The following DCC variants were observed in gnomAD, a reference collection of about 807,000 sequenced individuals.
The protein encoded by DCC is DCC netrin 1 receptor.
A neutral mutation model predicts 172.5 loss-of-function variants in DCC; 58 were observed. The ratio of observed to expected loss-of-function variants is 0.34; its 90% CI spans 0.27 to 0.42. DCC has a LOEUF of 0.42. Among genes scored for constraint, DCC ranks in the 10% least tolerant of loss-of-function variants. The probability of loss-of-function intolerance (pLI) is 1.00; values close to 1 mark genes in which losing one functional copy is unlikely to be tolerated. For synonymous variants in DCC, 709 were observed against 644.5 expected, an observed-to-expected ratio of 1.10 and a Z score of -1.52; for missense variants, 1,740 against 1,791.0, an observed-to-expected ratio of 0.97 and a Z score of 0.51.
chr18:53,331,164 C>A (rs1264985464), intron 14 of DCC, among the ~76,000 whole-genome samples: 1 of 152,146 alleles, frequency 6.6e-6, no homozygotes, highest in East Asian at 1.9e-4. Flanking sequence ...AATGAAAACC[C>A]TAGCTTTCTA....
intron 1 of DCC, among the ~76,000 whole-genome samples, chr18:52,703,740 T>TG (rs199621599): frequency 6.6e-6 from 1 of 151,100 alleles, no homozygotes; most frequent in African/African-American, 2.4e-5. Flanking sequence ...TTTTTTTTTT[T>TG]GAAAATGTGC....
intron 12 of DCC, among the ~76,000 whole-genome samples, chr18:53,273,472 A>G (rs144275351): frequency 8.4e-4 from 128 of 152,314 alleles, no homozygotes; most frequent in African/African-American, 3.0e-3. Context: ...TAGGATTTAA[A>G]GAACATATAT....
At chr18:52,561,937 A>T (rs2033048912) in intron 1 of DCC, among the ~76,000 whole-genome samples, 2 of 152,156 alleles carry the variant, frequency 1.3e-5, no homozygotes, top group African/African-American at 2.4e-5. Flanking sequence ...TAGCCCATGG[A>T]TGCATTCCAA....
intron 1 of DCC, among the ~76,000 whole-genome samples, chr18:52,694,242 TG>T (rs2035975856): frequency 6.6e-6 from 1 of 151,888 alleles, no homozygotes; most frequent in Non-Finnish European, 1.5e-5. Context: ...ACTGTCAAGG[TG>T]GTGAAAAAGC....
At chr18:53,471,380 A>G (rs2045694898) in intron 25 of DCC, among the ~76,000 whole-genome samples, 1 of 152,230 alleles carries the variant, frequency 6.6e-6, no homozygotes, top group Admixed American at 6.5e-5. Context: ...CTGTTGTGCT[A>G]TCAAATAGTA....
At chr18:53,447,595 GA>G (rs1228046943) in intron 22 of DCC, among the ~76,000 whole-genome samples, 6 of 152,242 alleles carry the variant, frequency 3.9e-5, no homozygotes, top group African/African-American at 1.4e-4. Context: ...TAAAAATGTT[GA>G]CAAGGTGTAC....
At chr18:53,401,503 A>G (rs1909291122) in intron 18 of DCC, among the ~76,000 whole-genome samples, 1 of 152,204 alleles carries the variant, frequency 6.6e-6, no homozygotes, top group Non-Finnish European at 1.5e-5. Context: ...TATTTGGAAC[A>G]CTATTCAGGA....
chr18:52,809,687 A>G (rs1454026867), intron 2 of DCC, among the ~76,000 whole-genome samples: 1 of 152,180 alleles, frequency 6.6e-6, no homozygotes, highest in Non-Finnish European at 1.5e-5. Flanking sequence ...TAGAAGCTCA[A>G]CTTGTGCCCT....
intron 2 of DCC, among the ~76,000 whole-genome samples, chr18:52,826,491 T>A (rs1353105102): frequency 6.6e-6 from 1 of 152,114 alleles, no homozygotes; most frequent in Admixed American, 6.6e-5. Context: ...TCTTTTTTTT[T>A]AATGGGAATG....
intron 1 of DCC, among the ~76,000 whole-genome samples, chr18:52,457,649 A>C (rs780452276): frequency 6.6e-6 from 1 of 152,312 alleles, no homozygotes; most frequent in East Asian, 1.9e-4. Flanking sequence ...AATTAAGTAT[A>C]TGCTTAAGAT....
intron 14 of DCC, among the ~76,000 whole-genome samples, chr18:53,324,583 C>T (rs904462694): frequency 2.6e-5 from 4 of 151,798 alleles, no homozygotes; most frequent in African/African-American, 7.3e-5. Context: ...GGAAGCCATG[C>T]GAATAGGTCA....
At chr18:53,336,718 AT>A (rs1303395980) in intron 14 of DCC, among the ~76,000 whole-genome samples, 1 of 152,208 alleles carries the variant, frequency 6.6e-6, no homozygotes, top group East Asian at 1.9e-4. Flanking sequence ...AAGTAGATAG[AT>A]AAATACATTA....
chr18:53,246,981 G>C (rs983849168), intron 12 of DCC, among the ~76,000 whole-genome samples: 13 of 152,104 alleles, frequency 8.5e-5, no homozygotes, highest in African/African-American at 3.1e-4. Context: ...TGGGAACCAA[G>C]GAACTTGAGT....
At chr18:53,387,338 T>G (rs140751010) in intron 16 of DCC, among the ~76,000 whole-genome samples, 59 of 152,316 alleles carry the variant, frequency 3.9e-4, no homozygotes, top group African/African-American at 1.4e-3. Context: ...GTAGTATTAT[T>G]TAAGGCAAAG....
intron 25 of DCC, among the ~76,000 whole-genome samples, chr18:53,484,291 G>A (rs547313778): frequency 1.3e-5 from 2 of 151,768 alleles, no homozygotes; most frequent in South Asian, 4.2e-4. Flanking sequence ...ATAAAAAGCT[G>A]TACCAAAATT....
chr18:52,690,868 G>T (rs2035920285), intron 1 of DCC, among the ~76,000 whole-genome samples: 1 of 152,066 alleles, frequency 6.6e-6, no homozygotes, highest in African/African-American at 2.4e-5. Context: ...CAAAGGCTGG[G>T]TGTTTTGTCT....
Position 52,923,638 on chromosome 18 carries a change from A to T in DCC, c.698-69A>T, listed in dbSNP as rs181518812. The T allele has an allele frequency of 2.9e-4, 374 of 1,277,894 alleles. 2 individuals are homozygous for T. In the East Asian group the frequency reaches 8.5e-3, roughly 29 times the overall value. 79.2% of individuals were successfully genotyped at this position (1,277,894 alleles called of 1,614,324 possible). A position where few individuals can be genotyped will look rare whatever the true frequency, so the allele number is the denominator to read the frequency against. On this transcript the variant is annotated intron_variant, in intron 3 of 28. Transcript: ENST00000442544. The stretch of plus-strand genomic sequence containing the variant: ...CTTTCCATCTTTTGTTAGGAAAAAA[A>T]TCAAAATATATCATTTATCTTTGCA...
At chr18:53,506,237 C>T (rs1446447146) in intron 27 of DCC, among the ~76,000 whole-genome samples, 1 of 151,966 alleles carries the variant, frequency 6.6e-6, no homozygotes, top group Non-Finnish European at 1.5e-5. Context: ...AAGGTGAGAG[C>T]CAGAATTTGA....
intron 1 of DCC, among the ~76,000 whole-genome samples, chr18:52,726,835 G>T (rs2036558411): frequency 6.6e-6 from 1 of 152,104 alleles, no homozygotes. Flanking sequence ...GAATATTCTA[G>T]GTCATGTATA....
Sources: allele counts gnomAD v4.1 joint callset (sites outside exome capture counted in the v4.1 genomes callset), GRCh38; gene constraint gnomAD v4.1.1; transcripts MANE v1.5; gene names NCBI Gene and HGNC (gene_info 2026-07-23, HGNC 2026-07-21).